DRC5: variants seen among roughly 807,000 people sequenced by gnomAD.
The protein encoded by DRC5 is dynein regulatory complex subunit 5.
the DRC5 span, among the ~76,000 whole-genome samples, chr6:44,293,741 G>A: frequency 5.3e-5 from 8 of 152,148 alleles, no homozygotes; most frequent in Admixed American, 3.3e-4. Context: ...GGGCCTCCCC[G>A]GGCTAAGTGC....
At chr6:44,288,987 C>A in the DRC5 span, among the ~76,000 whole-genome samples, 1 of 45,834 alleles carries the variant, frequency 2.2e-5, no homozygotes, top group Non-Finnish European at 4.0e-5. Flanking sequence ...GAGCAAGACT[C>A]TGTCTCAAAA....
the DRC5 span, among the ~76,000 whole-genome samples, chr6:44,297,437 G>A: frequency 1.3e-5 from 2 of 152,240 alleles, no homozygotes; most frequent in African/African-American, 2.4e-5. Context: ...CTGTGGTGGG[G>A]AGGAGGCGCG....
the DRC5 span, among the ~76,000 whole-genome samples, chr6:44,296,699 G>A: frequency 6.8e-6 from 1 of 147,970 alleles, no homozygotes; most frequent in Non-Finnish European, 1.5e-5. Flanking sequence ...CTGTGCCCGG[G>A]ACACTTCCCC....
At chr6:44,279,748 GGTGT>G in the DRC5 span, 22,997 of 135,012 alleles carry the variant, frequency 0.17, 1,883 homozygotes, top group Admixed American at 0.2. Context: ...GTAGCCAGAG[GGTGT>G]GTGTGTGTGT....
the DRC5 span, among the ~76,000 whole-genome samples, chr6:44,296,841 C>G: frequency 6.6e-6 from 1 of 152,270 alleles, no homozygotes; most frequent in African/African-American, 2.4e-5. Flanking sequence ...ACCTCCATAT[C>G]CTTCATGCCC....
chr6:44,290,491 T>C, the DRC5 span, among the ~76,000 whole-genome samples: 1 of 152,150 alleles, frequency 6.6e-6, no homozygotes, highest in East Asian at 1.9e-4. Context: ...GATGGTATCT[T>C]TGGGTGAGTG....
chr6:44,296,868 G>T, the DRC5 span, among the ~76,000 whole-genome samples: 1 of 15,752 alleles, frequency 6.3e-5, no homozygotes, highest in East Asian at 4.3e-3. Context: ...TCTTACTTTG[G>T]GGTAAGTCAC....
At chr6:44,297,505 G>T in the DRC5 span, among the ~76,000 whole-genome samples, 1 of 152,338 alleles carries the variant, frequency 6.6e-6, no homozygotes, top group East Asian at 1.9e-4. Context: ...GCGCTTCCCC[G>T]CCACGGAAAA....
the DRC5 span, among the ~76,000 whole-genome samples, chr6:44,294,077 G>A: frequency 6.6e-6 from 1 of 151,954 alleles, no homozygotes; most frequent in African/African-American, 2.4e-5. Context: ...CTGCATCCTG[G>A]GTTCAAGTGA....
At chr6:44,282,380 A>G in the DRC5 span, 1 of 1,614,192 alleles carries the variant, frequency 6.2e-7, no homozygotes, top group Non-Finnish European at 8.5e-7. Context: ...CCTGGTTGTT[A>G]GCCAGGTTGA....
At chr6:44,287,420 A>G in the DRC5 span, 1 of 1,035,306 alleles carries the variant, frequency 9.7e-7, no homozygotes, top group Non-Finnish European at 1.4e-6. Context: ...AGTGGGTATG[A>G]GGATGCCATA....
At chr6:44,280,099 A>C in the DRC5 span, 34 of 1,285,884 alleles carry the variant, frequency 2.6e-5, no homozygotes, top group Non-Finnish European at 3.5e-5. Flanking sequence ...CTCCCTCTGA[A>C]CCAGTGTGAT....
chr6:44,285,818 T>C, the DRC5 span: 1 of 746,350 alleles, frequency 1.3e-6, no homozygotes, highest in Middle Eastern at 3.9e-4. Flanking sequence ...GAACCGTGTA[T>C]CTTGGTGCAG....
chr6:44,292,306 A>G, the DRC5 span, among the ~76,000 whole-genome samples: 2 of 152,200 alleles, frequency 1.3e-5, no homozygotes, highest in East Asian at 3.9e-4. Context: ...AGCCAGGGAA[A>G]GGGACAATCA....
At chr6:44,295,215 G>A in the DRC5 span, among the ~76,000 whole-genome samples, 4 of 152,300 alleles carry the variant, frequency 2.6e-5, no homozygotes, top group East Asian at 1.9e-4. Context: ...TTCCAGAGAG[G>A]TCAGGGCCAC....
At chr6:44,289,802 G>A in the DRC5 span, among the ~76,000 whole-genome samples, 1 of 152,240 alleles carries the variant, frequency 6.6e-6, no homozygotes, top group Admixed American at 6.5e-5. Flanking sequence ...TTGCACTCCT[G>A]CCCTGAGATC....
the DRC5 span, chr6:44,286,316 T>C: frequency 2.7e-5 from 43 of 1,613,404 alleles, no homozygotes; most frequent in South Asian, 1.9e-4. Flanking sequence ...GATAAAGTGC[T>C]TTAGCAGGTT....
the DRC5 span, among the ~76,000 whole-genome samples, chr6:44,293,874 G>A: frequency 2.6e-5 from 4 of 152,304 alleles, no homozygotes; most frequent in South Asian, 2.1e-4. Context: ...ATACTTGTAT[G>A]CCTATATCCA....
chr6:44,293,553 A>G, the DRC5 span, among the ~76,000 whole-genome samples: 3 of 152,208 alleles, frequency 2.0e-5, no homozygotes, highest in South Asian at 2.1e-4. Context: ...AGGAAACAGG[A>G]AATGACTGGC....
Sources: allele counts gnomAD v4.1 joint callset (sites outside exome capture counted in the v4.1 genomes callset), GRCh38; gene constraint gnomAD v4.1.1; transcripts MANE v1.5; gene names NCBI Gene and HGNC (gene_info 2026-07-23, HGNC 2026-07-21).